Variants in ZNF653 observed in about 807,000 individuals in gnomAD.
ZNF653 encodes zinc finger protein 653.
Under a neutral mutation model 59.9 loss-of-function variants are expected in ZNF653, and 37 were observed. The ratio of observed to expected loss-of-function variants is 0.62; its 90% confidence interval spans 0.48 to 0.81. ZNF653 has a LOEUF of 0.81. Ranked by LOEUF, ZNF653 falls within the 40% of genes least tolerant of loss-of-function variation. The pLI is 0.00. For missense variants in ZNF653, 808 were observed against 881.1 expected (o/e 0.92, Z 1.05); for synonymous variants, 435 against 371.8 (o/e 1.17, Z -1.96).
intron 7 of ZNF653, among the ~76,000 whole-genome samples, chr19:11,484,828 G>A (rs112999652): frequency 0.077 from 11,721 of 151,742 alleles, 726 homozygotes; most frequent in African/African-American, 0.17. Context: ...AAGGTGGGCA[G>A]ATCGCCTGAG....
rs1200840809 is a variant in ZNF653 at position 11,505,163 on chromosome 19, C to A, written c.299+325G>T. The A allele has an allele frequency of 2.1e-5, 6 of 283,282 alleles. No individual in the cohort carries two copies. In the East Asian group the frequency reaches 2.8e-4, roughly 13 times the overall value. The allele number at this position is 283,282 out of a possible 1,614,324, so 17.5% of individuals were successfully genotyped here. ...CCGGTGAGGGGGCGGGGCTGCCCCC[C>A]CAGGGCCTGGTTAGTTACAAGGCCT... On this transcript the variant is annotated intron_variant, in intron 1 of 8. Transcript: ENST00000293771.
chr19:11,485,787 C>A lies in ZNF653; in HGVS notation c.1456-17G>T. On this transcript the variant is annotated splice_polypyrimidine_tract_variant and intron_variant, in intron 6 of 8. Coordinates refer to ENST00000293771, the MANE Select transcript of ZNF653 (RefSeq NM_138783.4). ...GACGTGGTTCTGGAGACGAGACAGG[C>A]AGAAGTGGGTCCCATAGGCCCACAG... is the stretch of plus-strand genomic sequence containing the variant. 1 of 1,600,788 alleles carries A rather than the reference C, an allele frequency of 6.2e-7. No homozygotes were observed. The highest frequency in any genetic ancestry group is 8.6e-7 in the Non-Finnish European group (1 of 1,168,198).
At chr19:11,502,995 A>G (rs1316568678) in intron 1 of ZNF653, among the ~76,000 whole-genome samples, 8 of 151,358 alleles carry the variant, frequency 5.3e-5, no homozygotes, top group Admixed American at 4.0e-4. Context: ...GGCTGCGCCA[A>G]TGTACTCCAG....
intron 2 of ZNF653, 50 bp from the exon 3 acceptor site, chr19:11,496,215 T>C (rs1971586678): frequency 3.2e-6 from 5 of 1,571,232 alleles, no homozygotes; most frequent in Non-Finnish European, 4.3e-6. Flanking sequence ...GCTCAGCCCA[T>C]GGTGACATGG....
At position 11,487,502 on chromosome 19, in the gene ZNF653, T is replaced by C. The variant is rs973908841; in HGVS notation, c.961A>G (p.Ile321Val). Residue 321 changes from isoleucine to valine, a missense_variant, in exon 4 of 9, where the codon ATC becomes GTC. Ile to Val is a conservative substitution (Grantham distance 29, BLOSUM62 3). Transcript: ENST00000293771. This position sits in a 1 kb window ranked among gnomAD's most constrained non-coding sequence, Gnocchi z 5.1. ...PGMVPGSQVI[I>V]IAGPGYDALT... is the part of the protein sequence containing the mutation. ...GCGTCGTAACCAGGGCCCGCAATGA[T>C]GATCACCTGTGAGCCGGGCACCATG... The C allele has an allele frequency of 1.9e-6, 3 of 1,613,828 alleles. No individual in the cohort carries two copies. Among genetic ancestry groups the C allele is most frequent in the Non-Finnish European group, 1.7e-6 (2 of 1,179,954 alleles).
rs1482398821 is a variant in ZNF653 at position 11,505,535 on chromosome 19, G to A, written c.252C>T (p.Ala84=). The A allele has an allele frequency of 2.6e-6, 4 of 1,514,222 alleles. No homozygotes were observed. Among genetic ancestry groups the A allele is most frequent in the Non-Finnish European group, 3.5e-6 (4 of 1,143,070 alleles). 93.8% of individuals were successfully genotyped at this position (1,514,222 alleles called of 1,614,324 possible). ...CGCGCTCCAGAGAGATGAGGTAGGC[G>A]GCGAGCTTGGCGTCGCTCCAGCCGC... ...RRSGWSDAKL[A]AYLISLERGQ... The change falls in exon 1 of 9, where the codon GCC becomes GCT. Residue 84 remains alanine (A), a synonymous_variant. Transcript: ENST00000293771.
chr19:11,493,347 C>T (rs866214093), intron 3 of ZNF653, among the ~76,000 whole-genome samples: 19 of 151,770 alleles, frequency 1.3e-4, no homozygotes, highest in Admixed American at 6.6e-4. Flanking sequence ...TGTGAGCCAC[C>T]GTGCCCAGCC....
Position 11,496,032 on chromosome 19 carries a change from C to G in ZNF653, c.477G>C (p.Gln159His). 6.2e-7 allele frequency: 1 copy of G among 1,614,166 alleles called. No individual in the cohort carries two copies. Among genetic ancestry groups the G allele is most frequent in the Non-Finnish European group, 8.5e-7 (1 of 1,180,016 alleles). ...GGAAGTAGCGGTGGCCAGCTTCGCA[C>G]TGCCACACGGCCGTGGTGTACAGGC... ...TFGLYTTAVW[Q>H]CEAGHRYFQD... is the part of the protein sequence containing the mutation. Residue 159 changes from glutamine (Q) to histidine (H), a missense_variant, in exon 3 of 9, where the codon CAG becomes CAC. Transcript: ENST00000293771.
At position 11,487,233 on chromosome 19, in the gene ZNF653, G is replaced by T; in HGVS notation, c.1171+59C>A. 6.3e-7 allele frequency: 1 copy of T among 1,598,338 alleles called. No individual in the cohort carries two copies. On this transcript the variant is annotated intron_variant, in intron 4 of 8. Transcript: ENST00000293771. The surrounding 1 kb of genome is among the most constrained non-coding windows in gnomAD (Gnocchi z 5.1). ...GTGCCCACTTCGAGGGCCATTCCTC[G>T]CCCGGCCCCTCCCAGGCCCAACCAC...
intron 1 of ZNF653, 72 bp downstream of exon 1, chr19:11,505,416 G>A (rs1044703510): frequency 4.5e-6 from 6 of 1,340,196 alleles, no homozygotes; most frequent in African/African-American, 3.1e-5. Flanking sequence ...TAGAAGCGGA[G>A]GGGGCGGGGT....
In ZNF653 at chr19:11,483,644, G is replaced by T; in HGVS notation, c.*38C>A. Reference sequence around the variant, plus strand: ...CGGCAAGCCCGGGCGTGGTGTCCGAGCGGACGAATAAATAGGGGCGGTCAG... The same window carrying T: ...CGGCAAGCCCGGGCGTGGTGTCCGATCGGACGAATAAATAGGGGCGGTCAG... On this transcript the variant is annotated 3_prime_UTR_variant, in exon 9 of 9. Transcript: ENST00000293771. 1 of 1,596,632 alleles carries T rather than the reference G, an allele frequency of 6.3e-7. No individual in the cohort carries two copies. The highest frequency in any genetic ancestry group is 8.6e-7 in the Non-Finnish European group (1 of 1,166,480).
intron 3 of ZNF653, among the ~76,000 whole-genome samples, chr19:11,491,846 G>T (rs1248165930): frequency 1.3e-5 from 2 of 151,980 alleles, no homozygotes; most frequent in South Asian, 2.1e-4. Context: ...CAAAGTGCTG[G>T]GATTACAGAC....
At chr19:11,505,297 A>T (rs978764758) in intron 1 of ZNF653, 191 bp downstream of exon 1, 6 of 561,364 alleles carry the variant, frequency 1.1e-5, no homozygotes, top group African/African-American at 1.0e-4. Context: ...GGGCAGTCGG[A>T]ACGATGGGAG....
chr19:11,484,034 T>G lies in ZNF653; in HGVS notation c.1670+8A>C. ...TCCTCTAGCGGCACGGGGCGGCCTG[T>G]CACTCACTGCAGGGGGGTCTCGCCG... On this transcript the variant is annotated splice_region_variant and intron_variant, in intron 8 of 8. Coordinates refer to ENST00000293771, the MANE Select transcript of ZNF653 (RefSeq NM_138783.4). The G allele has an allele frequency of 1.3e-6, 2 of 1,553,662 alleles. No homozygotes were observed.
At chr19:11,503,876 G>A (rs1383618873) in intron 1 of ZNF653, among the ~76,000 whole-genome samples, 1 of 152,044 alleles carries the variant, frequency 6.6e-6, no homozygotes, top group Admixed American at 6.6e-5. Flanking sequence ...GGCTGAGGCC[G>A]GAGAATCACT....
intron 3 of ZNF653, among the ~76,000 whole-genome samples, chr19:11,494,382 AACAT>A (rs1971562135): frequency 2.3e-5 from 2 of 87,758 alleles, no homozygotes; most frequent in African/African-American, 9.3e-5. Flanking sequence ...CATAACATAA[AACAT>A]AACATAACAT....
chr19:11,494,698 A>C (rs1263829781), intron 3 of ZNF653, among the ~76,000 whole-genome samples: 1 of 152,196 alleles, frequency 6.6e-6, no homozygotes, highest in Admixed American at 6.5e-5. Context: ...CAGATAAATA[A>C]ATACATACAT....
chr19:11,498,831 G>A (rs1262263676), intron 1 of ZNF653, among the ~76,000 whole-genome samples: 1 of 151,640 alleles, frequency 6.6e-6, no homozygotes, highest in African/African-American at 2.4e-5. Context: ...TGCAACCTCC[G>A]CCTCCCAGGT....
intron 6 of ZNF653, among the ~76,000 whole-genome samples, chr19:11,485,989 G>A (rs1470096138): frequency 3.3e-5 from 5 of 151,882 alleles, no homozygotes; most frequent in Admixed American, 3.3e-4. Context: ...TTGCTCTGTC[G>A]CCCAGGCTGG....
Sources: gnomAD v4.1 joint callset for allele counts (sites outside exome capture counted in the v4.1 genomes callset) on GRCh38, gnomAD v4.1.1 for gene constraint, Gnocchi (gnomAD v3.1) non-coding constraint, MANE v1.5 for transcripts, NCBI Gene and HGNC (gene_info 2026-07-23, HGNC 2026-07-21) for gene names.